The following FBXL18 variants were observed in gnomAD, a reference collection of about 807,000 sequenced individuals.
FBXL18 encodes F-box/LRR-repeat protein 18.
FBXL18 carries 36 observed loss-of-function variants against 46.0 expected under a neutral mutation model. That is an observed-to-expected ratio of 0.78 (90% CI 0.60 to 1.03). The LOEUF is 1.03. Among genes scored for constraint, FBXL18 ranks in the 50% least tolerant of loss-of-function variants. The pLI is 0.00. For missense variants in FBXL18, 977 were observed against 1,004.1 expected (o/e 0.97, Z 0.36); for synonymous variants, 557 against 465.3 (o/e 1.20, Z -2.54).
intron 3 of FBXL18, among the ~76,000 whole-genome samples, chr7:5,495,376 G>A (rs565349559): frequency 4.0e-4 from 61 of 152,300 alleles, no homozygotes; most frequent in Admixed American, 1.0e-3. Context: ...CCCTGGTCAC[G>A]CTCACAGCAG....
chr7:5,510,767 AG>A (rs1192292141), intron 1 of FBXL18, among the ~76,000 whole-genome samples: 5 of 151,850 alleles, frequency 3.3e-5, no homozygotes, highest in African/African-American at 4.8e-5. Context: ...TGGACTCCTA[AG>A]CCCAGAACCT....
intron 4 of FBXL18, among the ~76,000 whole-genome samples, chr7:5,456,085 C>CCCCACCGAAACTGGCAACTCCTGCT (rs1783169082): frequency 6.6e-6 from 1 of 152,166 alleles, no homozygotes; most frequent in African/African-American, 2.4e-5. Context: ...GGCCCGGTCA[C>CCCCACCGAAACTGGCAACTCCTGCT]CCCACCGAAA....
intron 4 of FBXL18, among the ~76,000 whole-genome samples, chr7:5,460,315 T>C (rs759575152): frequency 2.0e-5 from 3 of 152,144 alleles, no homozygotes; most frequent in Non-Finnish European, 4.4e-5. Flanking sequence ...TATTAATTGT[T>C]AGACATTGTG....
chr7:5,484,619 A>G (rs1357739428), intron 4 of FBXL18, among the ~76,000 whole-genome samples: 1 of 150,646 alleles, frequency 6.6e-6, no homozygotes, highest in Non-Finnish European at 1.5e-5. Flanking sequence ...ACAGGCACAC[A>G]TCACCACACT....
rs190900894 is a variant in FBXL18 at position 5,497,011 on chromosome 7, A to C, written c.1781+3477T>G. Among the ~76,000 whole-genome samples, 14 of 142,086 alleles carry C rather than the reference A, an allele frequency of 9.9e-5. No individual in the cohort carries two copies. The East Asian group carries it at 2.9e-3, about 29-fold the overall frequency. The allele number at this position is 142,086 out of a possible 152,430, so 93.2% of individuals were successfully genotyped here. A position where few individuals can be genotyped will look rare whatever the true frequency, so the allele number is the denominator to read the frequency against. The stretch of plus-strand genomic sequence containing the variant: ...ATGCCATTGTACTCAAGCCTGGGTG[A>C]CAGAGTGAGACTCTGTCTCAAAAAA... On this transcript the variant is annotated intron_variant, in intron 3 of 4. Transcript: ENST00000382368.
intron 4 of FBXL18, chr7:5,489,935 ACT>A (rs1214953022): frequency 4.9e-6 from 6 of 1,230,086 alleles, no homozygotes; most frequent in Middle Eastern, 2.2e-4. Context: ...ACAGAGTGAG[ACT>A]CTGTCTCAAA....
Position 5,491,259 on chromosome 7 carries a change from T to G in FBXL18, c.1972A>C (p.Lys658Gln), listed in dbSNP as rs745315794. ...LFTGESLATC[K>Q]SLQQSLLRSF... ...CGGAGAAGCGACTGCTGCAGGCTCT[T>G]GCAGGTGGCGAGGGACTCCCCGGTG... is the stretch of plus-strand genomic sequence containing the variant. The change falls in exon 4 of 5, where the codon AAG becomes CAG. Residue 658 changes from lysine (K) to glutamine (Q), a missense_variant. Physicochemically the swap from Lys to Gln is moderately conservative, Grantham distance 53. Coordinates refer to ENST00000382368, the MANE Select transcript of FBXL18 (RefSeq NM_024963.6). The G allele has an allele frequency of 1.2e-6, 2 of 1,613,044 alleles. No homozygotes were observed. Among genetic ancestry groups the G allele is most frequent in the South Asian group, 2.2e-5 (2 of 90,844 alleles).
intron 4 of FBXL18, among the ~76,000 whole-genome samples, chr7:5,462,357 C>A (rs944303128): frequency 2.0e-5 from 3 of 152,230 alleles, no homozygotes; most frequent in African/African-American, 4.8e-5. Context: ...GGAAGCCAGG[C>A]ATTACCTACC....
chr7:5,497,737 C>G (rs1784120914), intron 3 of FBXL18, among the ~76,000 whole-genome samples: 1 of 152,194 alleles, frequency 6.6e-6, no homozygotes, highest in African/African-American at 2.4e-5. Flanking sequence ...GCGAGAGACT[C>G]AGCTCCCCCT....
At chr7:5,513,106 G>A (rs79031405) in intron 1 of FBXL18, among the ~76,000 whole-genome samples, 2,740 of 152,258 alleles carry the variant, frequency 0.018, 33 homozygotes, top group Middle Eastern at 0.058. Context: ...ACAGGGACGC[G>A]GCGGGCTTCT....
At chr7:5,469,934 G>A (rs1015506002) in intron 4 of FBXL18, among the ~76,000 whole-genome samples, 1 of 152,042 alleles carries the variant, frequency 6.6e-6, no homozygotes, top group African/African-American at 2.4e-5. Context: ...TGCGGAGTGT[G>A]CGAGTAAACG....
At chr7:5,507,563 T>C (rs756734791) in intron 1 of FBXL18, among the ~76,000 whole-genome samples, 8 of 152,164 alleles carry the variant, frequency 5.3e-5, no homozygotes, top group Non-Finnish European at 1.0e-4. Context: ...AGGCCGGGCA[T>C]GGTGACCCAC....
intron 4 of FBXL18, among the ~76,000 whole-genome samples, chr7:5,460,839 C>T (rs545641195): frequency 6.6e-6 from 1 of 152,356 alleles, no homozygotes; most frequent in South Asian, 2.1e-4. Flanking sequence ...ATTGCCGCCC[C>T]TCTGCAGCCC....
intron 4 of FBXL18, among the ~76,000 whole-genome samples, chr7:5,485,469 TTCAGATGCTGCAGACACATTACCCA>T (rs1783747952): frequency 6.6e-6 from 1 of 152,128 alleles, no homozygotes; most frequent in Non-Finnish European, 1.5e-5. Flanking sequence ...TCAAACCTTG[TTCAGATGCTGCAGACACATTACCCA>T]TCAGATGTGC....
intron 1 of FBXL18, among the ~76,000 whole-genome samples, chr7:5,506,040 G>T (rs994560679): frequency 6.6e-6 from 1 of 151,764 alleles, no homozygotes; most frequent in Non-Finnish European, 1.5e-5. Flanking sequence ...AATTTTTTTG[G>T]TTTTTTGTAG....
chr7:5,457,134 T>C (rs1783185321), intron 4 of FBXL18, among the ~76,000 whole-genome samples: 1 of 152,160 alleles, frequency 6.6e-6, no homozygotes, highest in Non-Finnish European at 1.5e-5. Flanking sequence ...TGAGCTCAGC[T>C]CAGGTCAGTT....
At chr7:5,464,371 C>T (rs187252858) in intron 4 of FBXL18, among the ~76,000 whole-genome samples, 37 of 151,866 alleles carry the variant, frequency 2.4e-4, no homozygotes, top group African/African-American at 7.2e-4. Context: ...CCCAGCTATT[C>T]GGGAGGCTGA....
At chr7:5,509,931 T>G (rs1210544927) in intron 1 of FBXL18, among the ~76,000 whole-genome samples, 3 of 151,972 alleles carry the variant, frequency 2.0e-5, no homozygotes, top group Non-Finnish European at 2.9e-5. Context: ...TCCCTGGAAC[T>G]TAGCTTCCGG....
At chr7:5,498,854 T>G (rs1272029480) in intron 3 of FBXL18, among the ~76,000 whole-genome samples, 1 of 152,134 alleles carries the variant, frequency 6.6e-6, no homozygotes, top group Non-Finnish European at 1.5e-5. Context: ...ATTACAGGAG[T>G]GAGCCACCAT....
Sources: gnomAD v4.1 joint callset for allele counts (sites outside exome capture counted in the v4.1 genomes callset) on GRCh38, gnomAD v4.1.1 for gene constraint, MANE v1.5 for transcripts, NCBI Gene and HGNC (gene_info 2026-07-23, HGNC 2026-07-21) for gene names.